ATXN10: variants seen among roughly 807,000 people sequenced by gnomAD.
The protein encoded by ATXN10 is ataxin 10.
Under a neutral mutation model 52.9 loss-of-function variants are expected in ATXN10, and 28 were observed. The observed-to-expected ratio is 0.53, with a 90% CI of 0.39 to 0.73. The LOEUF is 0.73. Ranked by LOEUF, ATXN10 falls within the 30% of genes least tolerant of loss-of-function variation. ATXN10 has a pLI of 0.00. For synonymous variants in ATXN10, 226 were observed against 221.5 expected (o/e 1.02, Z -0.18); for missense variants, 565 against 577.0 (o/e 0.98, Z 0.21).
chr22:45,757,339 C>T lies in ATXN10; in HGVS notation c.1173+16801C>T, dbSNP rs945084283. ...AAAATGCCTCAGAGCTTCAGTGTAA[C>T]TGGAGCAATACCAGCTGATTCTAAC... On this transcript the variant is annotated intron_variant, in intron 9 of 11. Coordinates refer to ENST00000252934, the MANE Select transcript of ATXN10 (RefSeq NM_013236.4). The surrounding 1 kb of genome is among the most constrained non-coding windows in gnomAD (Gnocchi z 4.6). 6.6e-6 allele frequency among the ~76,000 whole-genome samples: 1 copy of T among 152,208 alleles called. No individual in the cohort carries two copies. Among genetic ancestry groups the T allele is most frequent in the African/African-American group, 2.4e-5 (1 of 41,462 alleles).
In ATXN10 at chr22:45,672,228, G is replaced by T. The variant is rs764691751; in HGVS notation, c.116+49G>T. ...GCCCCGGGCAGGGGAGGGCGGCCGGGACTCCCGCGGCGGCCCCGGCCTGGA... is the reference window on the plus strand; with the variant it reads ...GCCCCGGGCAGGGGAGGGCGGCCGGTACTCCCGCGGCGGCCCCGGCCTGGA... On this transcript the variant is annotated intron_variant, in intron 1 of 11. Coordinates refer to ENST00000252934, the MANE Select transcript of ATXN10 (RefSeq NM_013236.4). The T allele has an allele frequency of 4.2e-6, 6 of 1,444,192 alleles. No homozygotes were observed. In the South Asian group the frequency reaches 5.3e-5, roughly 13 times the overall value. 89.5% of individuals were successfully genotyped at this position (1,444,192 alleles called of 1,614,324 possible). A position where few individuals can be genotyped will look rare whatever the true frequency, so the allele number is the denominator to read the frequency against.
At chr22:45,785,369 G>A (rs957166013) in intron 9 of ATXN10, among the ~76,000 whole-genome samples, 27 of 152,236 alleles carry the variant, frequency 1.8e-4, no homozygotes, top group African/African-American at 6.5e-4. Flanking sequence ...TAATTAAACT[G>A]TCTTAAAGAA....
chr22:45,680,578 G>A (rs991601099), intron 1 of ATXN10, among the ~76,000 whole-genome samples: 1 of 151,886 alleles, frequency 6.6e-6, no homozygotes, highest in Non-Finnish European at 1.5e-5. Flanking sequence ...TGTCACCTAG[G>A]CTGGAGTGCA....
intron 9 of ATXN10, among the ~76,000 whole-genome samples, chr22:45,768,837 C>A (rs1926676772): frequency 6.6e-6 from 1 of 152,154 alleles, no homozygotes; most frequent in Non-Finnish European, 1.5e-5. Context: ...GGAGAGATGT[C>A]CATGGATATT....
chr22:45,708,990 A>G lies in ATXN10; in HGVS notation c.647+6143A>G, dbSNP rs946946617. ...TTACCCAGTTTCACTACAAAAATGA[A>G]GTTATAACTGGGAGCAAAGCATTCT... On this transcript the variant is annotated intron_variant, in intron 5 of 11. Coordinates refer to ENST00000252934, the MANE Select transcript of ATXN10 (RefSeq NM_013236.4). The surrounding 1 kb of genome is among the most constrained non-coding windows in gnomAD (Gnocchi z 5.3). 1.3e-5 allele frequency among the ~76,000 whole-genome samples: 2 copies of G among 152,200 alleles called. No individual in the cohort carries two copies. The highest frequency in any genetic ancestry group is 4.1e-4 in the South Asian group (2 of 4,826).
rs776976990 is a variant in ATXN10, at chr22:45,684,829, TTG to T, written c.117-4880_117-4879del. On this transcript the variant is annotated intron_variant, in intron 1 of 11. Coordinates refer to ENST00000252934, the MANE Select transcript of ATXN10 (RefSeq NM_013236.4). This position sits in a 1 kb window ranked among gnomAD's most constrained non-coding sequence, Gnocchi z 4.1. The stretch of plus-strand genomic sequence containing the variant: ...ATTTCAAAATTTTACCCTAGGCTGT[TTG>T]TGGCAGGAGATACAGATGTTTTTAT... Among the ~76,000 whole-genome samples the T allele has an allele frequency of 2.6e-5, 4 of 152,236 alleles. No homozygotes were observed. In the East Asian group the frequency reaches 5.8e-4, roughly 22 times the overall value.
At chr22:45,755,290 T>A (rs558605208) in intron 9 of ATXN10, among the ~76,000 whole-genome samples, 1 of 152,348 alleles carries the variant, frequency 6.6e-6, no homozygotes, top group Admixed American at 6.5e-5. Flanking sequence ...TCATTTCCTT[T>A]AGTTCAGATC....
chr22:45,693,995 T>C (rs57143694), intron 3 of ATXN10, among the ~76,000 whole-genome samples: 6,952 of 152,146 alleles, frequency 0.046, 432 homozygotes, highest in African/African-American at 0.15. Flanking sequence ...CTGGTCCAGG[T>C]TTTGGGTGTG....
In ATXN10 at chr22:45,843,121, A is replaced by G. The variant is rs1356762047; in HGVS notation, c.1368A>G (p.Glu456=). 1 of 1,614,152 alleles carries G rather than the reference A, an allele frequency of 6.2e-7. No individual in the cohort carries two copies. The highest frequency in any genetic ancestry group is 1.7e-5 in the Admixed American group (1 of 60,020). Residue 456 remains glutamate, a synonymous_variant, in exon 11 of 12, where the codon GAA becomes GAG. Coordinates refer to ENST00000252934, the MANE Select transcript of ATXN10 (RefSeq NM_013236.4). The surrounding 1 kb of genome is among the most constrained non-coding windows in gnomAD (Gnocchi z 4.5). Reference sequence around the variant, plus strand: ...CCCTACTTAAAAAAGTGGGTTTTGAAGTTGAAAAGAAAGGCGAAAAGCTGA... The same window carrying G: ...CCCTACTTAAAAAAGTGGGTTTTGAGGTTGAAAAGAAAGGCGAAAAGCTGA... The part of the protein sequence containing the change: ...DASLLKKVGF[E]VEKKGEKLIL...
At chr22:45,776,328 A>G (rs576505558) in intron 9 of ATXN10, among the ~76,000 whole-genome samples, 1 of 152,284 alleles carries the variant, frequency 6.6e-6, no homozygotes, top group East Asian at 1.9e-4. Flanking sequence ...TTTCATAAGC[A>G]TGTCACTGAA....
intron 6 of ATXN10, among the ~76,000 whole-genome samples, chr22:45,722,315 G>C (rs1924684827): frequency 6.6e-6 from 1 of 152,280 alleles, no homozygotes; most frequent in East Asian, 1.9e-4. Flanking sequence ...GTGTCTGGTA[G>C]GGAGACCCGT....
Position 45,745,130 on chromosome 22 carries a change from A to T in ATXN10, c.1173+4592A>T, listed in dbSNP as rs570107027. On this transcript the variant is annotated intron_variant, in intron 9 of 11. Coordinates refer to ENST00000252934, the MANE Select transcript of ATXN10 (RefSeq NM_013236.4). ...GGTTTCTATTGTAAGAAGCACAAAG[A>T]TACTAATGCTATAAACATGAAGAAA... Among the ~76,000 whole-genome samples, 19 of 152,356 alleles carry T rather than the reference A, an allele frequency of 1.2e-4. No homozygotes were observed. In the South Asian group the frequency reaches 2.9e-3, roughly 23 times the overall value.
rs745821555 is a variant in ATXN10, at chr22:45,770,284, G to A, written c.1173+29746G>A. Among the ~76,000 whole-genome samples, 19 of 152,130 alleles carry A rather than the reference G, an allele frequency of 1.2e-4. No individual in the cohort carries two copies. In the South Asian group the frequency reaches 1.5e-3, roughly 12 times the overall value. Reference sequence around the variant, plus strand: ...AAAATGTGGGTTGCATCCCAATAACGAGATACGAAATGAATTCTTTGGTCA... The same window carrying A: ...AAAATGTGGGTTGCATCCCAATAACAAGATACGAAATGAATTCTTTGGTCA... On this transcript the variant is annotated intron_variant, in intron 9 of 11. Transcript: ENST00000252934. The surrounding 1 kb of genome is among the most constrained non-coding windows in gnomAD (Gnocchi z 4.5).
In ATXN10 at chr22:45,747,244, G is replaced by T. The variant is rs373283906; in HGVS notation, c.1173+6706G>T. Among the ~76,000 whole-genome samples, 2 of 152,308 alleles carry T rather than the reference G, an allele frequency of 1.3e-5. 1 individual carries two copies. Among genetic ancestry groups the T allele is most frequent in the South Asian group, 4.2e-4 (2 of 4,818 alleles). On this transcript the variant is annotated intron_variant, in intron 9 of 11. Coordinates refer to ENST00000252934, the MANE Select transcript of ATXN10 (RefSeq NM_013236.4). ...GGGCCGGGTGCAGTGGCTCAAGCTT[G>T]TAAACCCAGCAAGCACATTGGAAGG... is the stretch of plus-strand genomic sequence containing the variant.
At position 45,843,890 on chromosome 22, in the gene ATXN10, G is replaced by A; in HGVS notation, c.*219G>A. On this transcript the variant is annotated 3_prime_UTR_variant, in exon 12 of 12. Transcript: ENST00000252934. The surrounding 1 kb of genome is among the most constrained non-coding windows in gnomAD (Gnocchi z 4.5). ...TAATGTAACTGTGTGGTTTGCCTTT[G>A]TCCCCCTGGATAGAACGTGCATTTA... is the stretch of plus-strand genomic sequence containing the variant. 1.7e-6 allele frequency: 1 copy of A among 600,478 alleles called. No homozygotes were observed. The allele number at this position is 600,478 out of a possible 1,614,324, so 37.2% of individuals were successfully genotyped here.
In ATXN10 at chr22:45,747,437, G is replaced by A. The variant is rs116134119; in HGVS notation, c.1173+6899G>A. On this transcript the variant is annotated intron_variant, in intron 9 of 11. Transcript: ENST00000252934. The stretch of plus-strand genomic sequence containing the variant: ...GAGGATTGCTTGAGCCCAGGAGGTC[G>A]AGGCTGCAGTGCACCGTGATTGTGC... Among the ~76,000 whole-genome samples the A allele has an allele frequency of 9.5e-3, 1,446 of 152,206 alleles. 20 individuals carry two copies. Among genetic ancestry groups the A allele is most frequent in the African/African-American group, 0.033 (1,377 of 41,506 alleles).
rs564772884 is a variant in ATXN10, at chr22:45,696,407, G to A, written c.391+3329G>A. On this transcript the variant is annotated intron_variant, in intron 3 of 11. Coordinates refer to ENST00000252934, the MANE Select transcript of ATXN10 (RefSeq NM_013236.4). This position sits in a 1 kb window ranked among gnomAD's most constrained non-coding sequence, Gnocchi z 4.7. ...CCAGAGCTGCTGTGCTGTGGTGGGC[G>A]GAAGGAGGTTTCTCTTTTAATGATA... Among the ~76,000 whole-genome samples, 286 of 152,286 alleles carry A rather than the reference G, an allele frequency of 1.9e-3. 3 individuals carry two copies. The highest frequency in any genetic ancestry group is 6.4e-3 in the African/African-American group (266 of 41,558).
At chr22:45,806,869 G>C in intron 9 of ATXN10, 90 bp from the exon 10 acceptor site, 1 of 996,126 alleles carries the variant, frequency 1.0e-6, no homozygotes, top group Non-Finnish European at 1.6e-6. Flanking sequence ...ATAACATTGA[G>C]TAAGAAAACA....
At chr22:45,807,329 C>T (rs1195690832) in intron 10 of ATXN10, among the ~76,000 whole-genome samples, 1 of 152,200 alleles carries the variant, frequency 6.6e-6, no homozygotes, top group Non-Finnish European at 1.5e-5. Flanking sequence ...TCACCGGTGT[C>T]ACCTTTCCAG....
Sources: allele counts gnomAD v4.1 joint callset (sites outside exome capture counted in the v4.1 genomes callset), GRCh38; gene constraint gnomAD v4.1.1; non-coding constraint Gnocchi (gnomAD v3.1); transcripts MANE v1.5; gene names NCBI Gene and HGNC (gene_info 2026-07-23, HGNC 2026-07-21).